Variants in NFIA observed in about 807,000 individuals in gnomAD.
NFIA encodes nuclear factor 1 A-type.
In NFIA, 8 loss-of-function variants were observed where a neutral mutation model predicts 62.8. The ratio of observed to expected loss-of-function variants is 0.13; its 90% confidence interval spans 0.07 to 0.23. The LOEUF (loss-of-function observed/expected upper bound fraction) is 0.23. Ranked by LOEUF, NFIA falls within the 10% of genes least tolerant of loss-of-function variation. The pLI, the probability that NFIA is intolerant of heterozygous loss-of-function variation, is 1.00. For missense variants in NFIA, 410 were observed against 642.1 expected, an observed-to-expected ratio of 0.64 and a Z score of 3.91; for synonymous variants, 235 against 238.1, an observed-to-expected ratio of 0.99 and a Z score of 0.12.
At chr1:61,387,301 G>A (rs891246485) in intron 7 of NFIA, among the ~76,000 whole-genome samples, 6 of 152,154 alleles carry the variant, frequency 3.9e-5, no homozygotes, top group African/African-American at 1.4e-4. Flanking sequence ...AGGAGCAAAG[G>A]AAATAATGTA....
intron 3 of NFIA, among the ~76,000 whole-genome samples, chr1:61,322,194 G>A (rs1660712589): frequency 6.6e-6 from 1 of 152,146 alleles, no homozygotes; most frequent in South Asian, 2.1e-4. Flanking sequence ...AGCAAAATAT[G>A]TTTGTAGACT....
chr1:61,217,352 G>A (rs1653698690), intron 2 of NFIA, among the ~76,000 whole-genome samples: 1 of 151,988 alleles, frequency 6.6e-6, no homozygotes, highest in Non-Finnish European at 1.5e-5. Context: ...ACAGGTGTGA[G>A]CCACCCTGCC....
intron 2 of NFIA, among the ~76,000 whole-genome samples, chr1:61,128,145 C>A (rs1171223112): frequency 6.6e-6 from 1 of 151,972 alleles, no homozygotes; most frequent in East Asian, 1.9e-4. Context: ...GACGTGGAGT[C>A]CCCCTATGTT....
At chr1:61,344,228 A>G (rs56242341) in intron 4 of NFIA, among the ~76,000 whole-genome samples, 1 of 152,190 alleles carries the variant, frequency 6.6e-6, no homozygotes, top group Non-Finnish European at 1.5e-5. Context: ...TGCGTTTTAC[A>G]ACTGTGCCTT....
intron 2 of NFIA, among the ~76,000 whole-genome samples, chr1:61,265,966 C>CA: frequency 6.6e-6 from 1 of 152,314 alleles, no homozygotes; most frequent in African/African-American, 2.4e-5. Flanking sequence ...TTATGATCAG[C>CA]AGCAAATAAG....
At chr1:61,251,456 T>G (rs1237139923) in intron 2 of NFIA, 1 of 152,208 alleles carries the variant, frequency 6.6e-6, no homozygotes, top group East Asian at 1.9e-4. Flanking sequence ...TTGCTAGACA[T>G]TCAATAAATG....
chr1:61,322,402 G>A (rs550237661), intron 3 of NFIA, among the ~76,000 whole-genome samples: 1 of 152,136 alleles, frequency 6.6e-6, no homozygotes, highest in East Asian at 1.9e-4. Context: ...AAGTTGGCAG[G>A]ATGGTTCTAC....
intron 2 of NFIA, among the ~76,000 whole-genome samples, chr1:61,142,634 T>C (rs1459322066): frequency 6.6e-6 from 1 of 152,200 alleles, no homozygotes; most frequent in Non-Finnish European, 1.5e-5. Flanking sequence ...TACTTTCTGC[T>C]CTCTAATTCC....
chr1:61,310,918 C>T (rs1300858826), intron 3 of NFIA, among the ~76,000 whole-genome samples: 1 of 152,118 alleles, frequency 6.6e-6, no homozygotes, highest in Non-Finnish European at 1.5e-5. Flanking sequence ...GTGCTCTTTC[C>T]ACTCTTACTC....
intron 1 of NFIA, among the ~76,000 whole-genome samples, chr1:61,087,824 G>A (rs1557555194): frequency 6.6e-6 from 1 of 152,180 alleles, no homozygotes; most frequent in Non-Finnish European, 1.5e-5. Context: ...ATTGTTATAA[G>A]CATTTAGATA....
At chr1:61,222,414 T>G (rs1380097483) in intron 2 of NFIA, among the ~76,000 whole-genome samples, 1 of 152,136 alleles carries the variant, frequency 6.6e-6, no homozygotes, top group East Asian at 1.9e-4. Flanking sequence ...TCAACCTGTT[T>G]GTTTTCATTC....
At chr1:61,407,084 C>T (rs1665876718) in intron 9 of NFIA, among the ~76,000 whole-genome samples, 1 of 152,210 alleles carries the variant, frequency 6.6e-6, no homozygotes, top group African/African-American at 2.4e-5. Context: ...CTCATTCTTA[C>T]AGACAGCCCT....
chr1:61,396,759 G>A (rs1327771628), intron 7 of NFIA, among the ~76,000 whole-genome samples: 4 of 152,020 alleles, frequency 2.6e-5, no homozygotes, highest in African/African-American at 9.7e-5. Context: ...TAGCACTTGG[G>A]GAGGCCGAGG....
At chr1:61,432,643 A>ACACATATATATACC (rs1318575678) in intron 10 of NFIA, among the ~76,000 whole-genome samples, 1 of 151,332 alleles carries the variant, frequency 6.6e-6, no homozygotes, top group Non-Finnish European at 1.5e-5. Context: ...ATATATATAC[A>ACACATATATATACC]CATATATATA....
At chr1:61,159,296 G>GA (rs377407012) in intron 2 of NFIA, among the ~76,000 whole-genome samples, 2 of 152,042 alleles carry the variant, frequency 1.3e-5, no homozygotes, top group African/African-American at 4.8e-5. Flanking sequence ...GAGAGTGAGA[G>GA]AAAAAAAGAG....
intron 2 of NFIA, among the ~76,000 whole-genome samples, chr1:61,116,630 G>A (rs909641477): frequency 2.0e-5 from 3 of 152,188 alleles, no homozygotes; most frequent in Non-Finnish European, 4.4e-5. Flanking sequence ...AAAGTGAATT[G>A]CCGTATAGTC....
rs1416061801 is a variant in NFIA at position 61,461,241 on chromosome 1, G to A, written c.*5921G>A. 6.6e-6 allele frequency: 1 copy of A among 152,046 alleles called. No individual in the cohort carries two copies. The highest frequency in any genetic ancestry group is 2.4e-5 in the African/African-American group (1 of 41,382). 9.4% of individuals were successfully genotyped at this position (152,046 alleles called of 1,614,324 possible). The stretch of plus-strand genomic sequence containing the variant: ...GACAATGTTCAAGCCAGGTACCCAT[G>A]CTTGATCTGTCTTCACACCAGACCT... On this transcript the variant is annotated 3_prime_UTR_variant, in exon 11 of 11. Coordinates refer to ENST00000403491, the MANE Select transcript of NFIA (RefSeq NM_001134673.4).
intron 10 of NFIA, among the ~76,000 whole-genome samples, chr1:61,452,875 A>AT (rs146888670): frequency 6.0e-5 from 9 of 149,414 alleles, no homozygotes; most frequent in South Asian, 2.1e-4. Context: ...TTCACATCGC[A>AT]TTTTTTTTTT....
chr1:61,453,728 C>T (rs1398163234), intron 10 of NFIA, among the ~76,000 whole-genome samples: 1 of 152,176 alleles, frequency 6.6e-6, no homozygotes, highest in Non-Finnish European at 1.5e-5. Flanking sequence ...GGAAGCGGCT[C>T]TAACGTGGAT....
Sources: allele counts gnomAD v4.1 joint callset (sites outside exome capture counted in the v4.1 genomes callset), GRCh38; gene constraint gnomAD v4.1.1; transcripts MANE v1.5; gene names NCBI Gene and HGNC (gene_info 2026-07-23, HGNC 2026-07-21).